Variants in TNFSF14 observed in about 807,000 individuals in gnomAD.
The protein encoded by TNFSF14 is tumor necrosis factor ligand superfamily member 14.
A neutral mutation model predicts 22.7 loss-of-function variants in TNFSF14; 15 were observed. The observed-to-expected ratio is 0.66, with a 90% CI of 0.44 to 1.02. The LOEUF is 1.02. TNFSF14 is among the 50% of genes least tolerant of loss of function. TNFSF14 has a pLI of 0.00. For synonymous variants in TNFSF14, 133 were observed against 139.6 expected (o/e 0.95, Z 0.33); for missense variants, 287 against 326.2 (o/e 0.88, Z 0.93).
intron 3 of TNFSF14, 34 bp downstream of exon 3, chr19:6,667,079 C>T: frequency 6.2e-7 from 1 of 1,609,594 alleles, no homozygotes; most frequent in South Asian, 1.1e-5. Context: ...CGCCCTGACC[C>T]CTGCCCCTTG....
chr19:6,666,092 G>A (rs942933140), intron 3 of TNFSF14, among the ~76,000 whole-genome samples: 2 of 152,070 alleles, frequency 1.3e-5, no homozygotes, highest in African/African-American at 2.4e-5. Context: ...TAAGTGATTT[G>A]CCAAAAGTGT....
rs8112236 is a variant in TNFSF14 at position 6,670,083 on chromosome 19, G to A, written c.-14C>T. ...ACTCTCCTCCATGCCCAAGGTGTCT[G>A]GAGCAGGGCTGACACGCCTGGGTCC... On this transcript the variant is annotated 5_prime_UTR_variant, in exon 1 of 4. Transcript: ENST00000675206. 0.039 allele frequency: 63,565 copies of A among 1,611,580 alleles called. 1,557 individuals carry two copies. Among genetic ancestry groups the A allele is most frequent in the African/African-American group, 0.096 (7,174 of 74,946 alleles).
chr19:6,667,838 C>T (rs1411918934), intron 1 of TNFSF14, among the ~76,000 whole-genome samples: 23 of 151,704 alleles, frequency 1.5e-4, no homozygotes, highest in Admixed American at 5.9e-4. Flanking sequence ...GTCAGGAGTT[C>T]GAGACCAGCC....
chr19:6,670,487 T>C, upstream of TNFSF14: 1 of 192,822 alleles, frequency 5.2e-6, no homozygotes, highest in Admixed American at 5.4e-5. Context: ...CCTGCTCCTC[T>C]TCTGGTGGAG....
chr19:6,668,539 G>C (rs1454012133), intron 1 of TNFSF14, among the ~76,000 whole-genome samples: 3 of 151,852 alleles, frequency 2.0e-5, no homozygotes, highest in Non-Finnish European at 4.4e-5. Flanking sequence ...AACCCCGTCT[G>C]TACTAAAAAT....
At position 6,664,904 on chromosome 19, in the gene TNFSF14, C is replaced by A; in HGVS notation, c.*22G>T. On this transcript the variant is annotated 3_prime_UTR_variant, in exon 4 of 4. Transcript: ENST00000675206. This position sits in a 1 kb window ranked among gnomAD's most constrained non-coding sequence, Gnocchi z 4.7. ...AGTTCTCCACGTGTCAGACCCATGT[C>A]CAATGCACCACGCTCCTTCCTTCAC... 1 of 1,563,000 alleles carries A rather than the reference C, an allele frequency of 6.4e-7. No individual in the cohort carries two copies. Among genetic ancestry groups the A allele is most frequent in the Non-Finnish European group, 8.7e-7 (1 of 1,149,606 alleles).
chr19:6,666,882 A>G (rs1218073740), intron 3 of TNFSF14, among the ~76,000 whole-genome samples: 1 of 151,478 alleles, frequency 6.6e-6, no homozygotes, highest in Non-Finnish European at 1.5e-5. Context: ...TGGGCAACAG[A>G]GTGAGACTGT....
intron 3 of TNFSF14, among the ~76,000 whole-genome samples, chr19:6,665,777 A>ATGTGTG (rs1213628420): frequency 7.7e-6 from 1 of 129,688 alleles, no homozygotes; most frequent in Non-Finnish European, 1.6e-5. Flanking sequence ...GTGTGTGTGC[A>ATGTGTG]TGTGTGCGTG....
In TNFSF14 at chr19:6,667,293, G is replaced by T. The variant is rs528827868; in HGVS notation, c.256+120C>A. On this transcript the variant is annotated intron_variant, in intron 2 of 3. Coordinates refer to ENST00000675206, the MANE Select transcript of TNFSF14 (RefSeq NM_001376887.1). ...CCAAACTTCTGCTTCTCAGGCCTGG[G>T]GGAGGGGCACCTGTGAGGATTTGGC... 5.6e-6 allele frequency: 8 copies of T among 1,441,146 alleles called. No homozygotes were observed. In the South Asian group the frequency reaches 1.2e-4, roughly 21 times the overall value. The allele number at this position is 1,441,146 out of a possible 1,614,324, so 89.3% of individuals were successfully genotyped here. A position where few individuals can be genotyped will look rare whatever the true frequency, so the allele number is the denominator to read the frequency against.
chr19:6,668,300 C>T (rs1438723930), intron 1 of TNFSF14, among the ~76,000 whole-genome samples: 2 of 151,764 alleles, frequency 1.3e-5, no homozygotes, highest in African/African-American at 2.4e-5. Flanking sequence ...GAGTTCAAGG[C>T]TGCAGTGAGC....
Position 6,665,135 on chromosome 19 carries a change from G to A in TNFSF14, c.514C>T (p.Arg172Cys), listed in dbSNP as rs754946970. 27 of 1,613,906 alleles carry A rather than the reference G, an allele frequency of 1.7e-5. No individual in the cohort carries two copies. Among genetic ancestry groups the A allele is most frequent in the African/African-American group, 4.0e-5 (3 of 74,940 alleles). Residue 172 changes from arginine (R) to cysteine (C), a missense_variant, in exon 4 of 4, where the codon CGC (arginine) becomes TGC (cysteine). Transcript: ENST00000675206. Reference sequence around the variant, plus strand: ...AACAGCTCCAGCTCCTCGGGGTAGCGGGGTGTGCGCTTGTAGAGGCCGTGG... The same window carrying A: ...AACAGCTCCAGCTCCTCGGGGTAGCAGGGTGTGCGCTTGTAGAGGCCGTGG... The part of the protein sequence containing the change: ...ITHGLYKRTP[R>C]YPEELELLVS...
chr19:6,666,754 C>T (rs908167868), intron 3 of TNFSF14, among the ~76,000 whole-genome samples: 2 of 151,892 alleles, frequency 1.3e-5, no homozygotes, highest in East Asian at 1.9e-4. Context: ...CAAAATTAAC[C>T]GGGTGTGGTG....
chr19:6,665,148 G>A lies in TNFSF14; in HGVS notation c.501C>T (p.Tyr167=), dbSNP rs560242885. 1.6e-5 allele frequency: 26 copies of A among 1,614,054 alleles called. No individual in the cohort carries two copies. In the South Asian group the frequency reaches 2.9e-4, roughly 18 times the overall value. Residue 167 remains tyrosine (Y), a synonymous_variant, in exon 4 of 4, where the codon TAC becomes TAT. Coordinates refer to ENST00000675206, the MANE Select transcript of TNFSF14 (RefSeq NM_001376887.1). ...GLASTITHGL[Y]KRTPRYPEEL... ...CCTCGGGGTAGCGGGGTGTGCGCTT[G>A]TAGAGGCCGTGGGTGATGGTGCTGG...
chr19:6,669,772 A>G (rs1917543127), intron 1 of TNFSF14, 79 bp downstream of exon 1: 1 of 1,559,324 alleles, frequency 6.4e-7, no homozygotes, highest in Non-Finnish European at 8.7e-7. Flanking sequence ...ACACACACAC[A>G]CAGACACACA....
upstream of TNFSF14, chr19:6,670,262 G>A (rs1302526338): frequency 1.0e-5 from 15 of 1,433,078 alleles, no homozygotes; most frequent in Non-Finnish European, 1.3e-5. Context: ...CCCGGTCTTG[G>A]CCCTGTCTCA....
At chr19:6,667,357 G>A in intron 2 of TNFSF14, 56 bp downstream of exon 2, 1 of 1,504,452 alleles carries the variant, frequency 6.6e-7, no homozygotes, top group Non-Finnish European at 8.9e-7. Context: ...ACCGAGGGGT[G>A]GGGGTGGCAT....
intron 1 of TNFSF14, among the ~76,000 whole-genome samples, chr19:6,669,574 G>T (rs1917534072): frequency 6.6e-6 from 1 of 152,130 alleles, no homozygotes; most frequent in Admixed American, 6.6e-5. Flanking sequence ...GGTGGAGCTG[G>T]CATCGTCTGG....
chr19:6,664,950 A>G lies in TNFSF14; in HGVS notation c.699T>C (p.Ser233=), dbSNP rs1274607134. ...TTCACACCATGAAAGCCCCGAAGTAAGACCGGGTACCATCACGCAGTCGAA... is the reference window on the plus strand; with the variant it reads ...TTCACACCATGAAAGCCCCGAAGTAGGACCGGGTACCATCACGCAGTCGAA... ...RLVRLRDGTR[S]YFGAFMV The change falls in exon 4 of 4, where the codon TCT becomes TCC. Residue 233 remains serine, a synonymous_variant. Transcript: ENST00000675206. The surrounding 1 kb of genome is among the most constrained non-coding windows in gnomAD (Gnocchi z 4.7). 6.2e-7 allele frequency: 1 copy of G among 1,600,220 alleles called. No homozygotes were observed.
chr19:6,666,219 T>C (rs1020419746), intron 3 of TNFSF14, among the ~76,000 whole-genome samples: 1 of 151,412 alleles, frequency 6.6e-6, no homozygotes, highest in Admixed American at 6.6e-5. Context: ...TGAAGTAACA[T>C]AGGGAGACCC....
Sources: allele counts gnomAD v4.1 joint callset (sites outside exome capture counted in the v4.1 genomes callset), GRCh38; gene constraint gnomAD v4.1.1; non-coding constraint Gnocchi (gnomAD v3.1); transcripts MANE v1.5; gene names NCBI Gene and HGNC (gene_info 2026-07-23, HGNC 2026-07-21).